Variants in BCAT1 observed in about 807,000 individuals in gnomAD.
The protein encoded by BCAT1 is branched-chain-amino-acid aminotransferase, cytosolic.
A neutral mutation model predicts 52.4 loss-of-function variants in BCAT1; 48 were observed. That is an observed-to-expected ratio of 0.92 (90% confidence interval 0.73 to 1.16). BCAT1 has a LOEUF of 1.16. Among genes scored for constraint, BCAT1 ranks in the 50% most tolerant of loss-of-function variants. The pLI, the probability that BCAT1 is intolerant of heterozygous loss-of-function variation, is 0.00. For missense variants in BCAT1, 451 were observed against 457.1 expected, an observed-to-expected ratio of 0.99 and a Z score of 0.12; for synonymous variants, 167 against 161.3, an observed-to-expected ratio of 1.04 and a Z score of -0.27.
intron 1 of BCAT1, among the ~76,000 whole-genome samples, chr12:24,911,135 A>G (rs1943319001): frequency 6.6e-6 from 1 of 152,058 alleles, no homozygotes. Context: ...ATTAGTTATC[A>G]TGAAAAACAT....
chr12:24,843,661 C>A (rs989469470), intron 6 of BCAT1, among the ~76,000 whole-genome samples: 1 of 152,152 alleles, frequency 6.6e-6, no homozygotes, highest in Non-Finnish European at 1.5e-5. Context: ...CTGTTTTCAT[C>A]TGCACTATAT....
At chr12:24,901,691 T>C (rs1479293235) in intron 2 of BCAT1, 123 bp downstream of exon 2, 1 of 999,946 alleles carries the variant, frequency 1.0e-6, no homozygotes, top group African/African-American at 1.6e-5. Flanking sequence ...ATTTTAAAAG[T>C]CTGGCAACAC....
At chr12:24,891,841 T>C (rs777654431) in intron 3 of BCAT1, among the ~76,000 whole-genome samples, 8 of 151,426 alleles carry the variant, frequency 5.3e-5, no homozygotes, top group Admixed American at 1.3e-4. Flanking sequence ...CTCCGCCTCC[T>C]GGGTTCACGT....
intron 1 of BCAT1, among the ~76,000 whole-genome samples, chr12:24,947,241 C>T (rs1943945649): frequency 6.6e-6 from 1 of 150,860 alleles, no homozygotes; most frequent in Admixed American, 6.6e-5. Flanking sequence ...ATCCCATTTA[C>T]ATGTGTATCA....
chr12:24,832,594 A>G, intron 9 of BCAT1, 129 bp downstream of exon 9: 2 of 1,168,784 alleles, frequency 1.7e-6, no homozygotes, highest in Non-Finnish European at 2.4e-6. Flanking sequence ...AAAATAAAGA[A>G]AAACAACAAC....
intron 5 of BCAT1, among the ~76,000 whole-genome samples, chr12:24,873,380 T>C (rs1049894038): frequency 6.6e-6 from 1 of 152,230 alleles, no homozygotes; most frequent in Non-Finnish European, 1.5e-5. Flanking sequence ...ATAATCCTTT[T>C]TATAAATATG....
chr12:24,832,892 T>C (rs775394052), intron 8 of BCAT1, 29 bp from the exon 9 acceptor site: 11 of 1,580,490 alleles, frequency 7.0e-6, no homozygotes, highest in South Asian at 1.2e-5. Context: ...ATAACAAGTA[T>C]ATTTTAAAGG....
At chr12:24,892,049 G>A (rs543593814) in intron 3 of BCAT1, among the ~76,000 whole-genome samples, 202 of 150,242 alleles carry the variant, frequency 1.3e-3, no homozygotes, top group Admixed American at 5.4e-3. Context: ...GAGCCACCTC[G>A]CCTGGCCGTT....
chr12:24,865,315 T>C (rs201845997), intron 5 of BCAT1, among the ~76,000 whole-genome samples: 2 of 152,222 alleles, frequency 1.3e-5, no homozygotes, highest in African/African-American at 2.4e-5. Context: ...TCTTAGTAAC[T>C]GATTACTATC....
At chr12:24,915,713 A>G (rs1187963438) in intron 1 of BCAT1, among the ~76,000 whole-genome samples, 1 of 152,260 alleles carries the variant, frequency 6.6e-6, no homozygotes, top group African/African-American at 2.4e-5. Flanking sequence ...AAAGTGGATT[A>G]CCCATGCCTA....
At chr12:24,827,727 G>T (rs1177936015) in intron 10 of BCAT1, among the ~76,000 whole-genome samples, 2 of 152,122 alleles carry the variant, frequency 1.3e-5, no homozygotes, top group Non-Finnish European at 2.9e-5. Flanking sequence ...AGGAGGCAGG[G>T]GTTGCAGTGA....
intron 3 of BCAT1, among the ~76,000 whole-genome samples, chr12:24,886,732 C>T (rs891963797): frequency 6.7e-6 from 1 of 149,806 alleles, no homozygotes; most frequent in African/African-American, 2.5e-5. Context: ...CAGTAAAGAA[C>T]ATAATGACTG....
chr12:24,909,732 A>C (rs1045326224), intron 1 of BCAT1, among the ~76,000 whole-genome samples: 2 of 152,216 alleles, frequency 1.3e-5, no homozygotes, highest in African/African-American at 4.8e-5. Flanking sequence ...CTATGGAGAA[A>C]TATGGAAGTG....
chr12:24,843,191 T>C (rs949402246), intron 6 of BCAT1, among the ~76,000 whole-genome samples: 3 of 81,804 alleles, frequency 3.7e-5, no homozygotes, highest in Non-Finnish European at 7.0e-5. Context: ...TGTAGTAATG[T>C]AAAACTCCTA....
chr12:24,850,540 A>G lies in BCAT1; in HGVS notation c.511-591T>C, dbSNP rs115776398. ...AAGTTTAGCCTACAGCTGCCTCATT[A>G]CATTTTAAGCTCAGCTTAAAGGTTT... On this transcript the variant is annotated intron_variant, in intron 5 of 10. Transcript: ENST00000261192. Among the ~76,000 whole-genome samples, 1,167 of 152,340 alleles carry G rather than the reference A, an allele frequency of 7.7e-3. 10 individuals are homozygous for G. The highest frequency in any genetic ancestry group is 0.027 in the African/African-American group (1,129 of 41,580).
chr12:24,844,597 A>G (rs1053760207), intron 6 of BCAT1, among the ~76,000 whole-genome samples: 1 of 151,124 alleles, frequency 6.6e-6, no homozygotes, highest in Non-Finnish European at 1.5e-5. Flanking sequence ...CACCAAGGTA[A>G]TGTTAAGAGT....
chr12:24,852,655 C>T (rs184309215), intron 5 of BCAT1, among the ~76,000 whole-genome samples: 268 of 152,232 alleles, frequency 1.8e-3, no homozygotes, highest in African/African-American at 6.2e-3. Context: ...TAATTCTGTA[C>T]ATTAAATCCA....
rs546427180 is a variant in BCAT1 at position 24,832,728 on chromosome 12, C to T, written c.1039G>A (p.Gly347Ser). The T allele has an allele frequency of 6.2e-7, 1 of 1,609,582 alleles. No homozygotes were observed. Among genetic ancestry groups the T allele is most frequent in the African/African-American group, 1.3e-5 (1 of 74,962 alleles). ...TGAGGAAATACTTGTCGTACCTCGC[C>T]TTTGTACAGTATATCAGAAACTGGG... ...VCPVSDILYK[G>S]ETIHIPTMEN... Residue 347 changes from glycine (G) to serine (S), a missense_variant, in exon 9 of 11, where the codon GGC becomes AGC. Coordinates refer to ENST00000261192, the MANE Select transcript of BCAT1 (RefSeq NM_005504.7).
At chr12:24,854,074 G>T (rs1941594963) in intron 5 of BCAT1, among the ~76,000 whole-genome samples, 1 of 152,208 alleles carries the variant, frequency 6.6e-6, no homozygotes. Context: ...ACATGGATAT[G>T]TTGCATAGAA....
Sources: gnomAD v4.1 joint callset for allele counts (sites outside exome capture counted in the v4.1 genomes callset) on GRCh38, gnomAD v4.1.1 for gene constraint, MANE v1.5 for transcripts, NCBI Gene and HGNC (gene_info 2026-07-23, HGNC 2026-07-21) for gene names.